The following CWF19L1 variants were observed in gnomAD, a reference collection of about 807,000 sequenced individuals.
CWF19L1 encodes CWF19-like protein 1.
A neutral mutation model predicts 69.7 loss-of-function variants in CWF19L1; 60 were observed. That is an observed-to-expected ratio of 0.86 (90% CI 0.70 to 1.07). CWF19L1 has a LOEUF of 1.07. Ranked by LOEUF, CWF19L1 falls within the 50% of genes least tolerant of loss-of-function variation. The pLI, the probability that CWF19L1 is intolerant of heterozygous loss-of-function variation, is 0.00. For synonymous variants in CWF19L1, 209 were observed against 222.2 expected (o/e 0.94, Z 0.53); for missense variants, 591 against 638.9 (o/e 0.92, Z 0.81).
In CWF19L1 at chr10:100,267,602, A is replaced by G. The variant is rs761364000; in HGVS notation, c.-9T>C. The G allele has an allele frequency of 8.1e-6, 13 of 1,614,050 alleles. No homozygotes were observed. On this transcript the variant is annotated 5_prime_UTR_variant, in exon 1 of 14. Coordinates refer to ENST00000354105, the MANE Select transcript of CWF19L1 (RefSeq NM_018294.6). ...AGCGGTTTCTGTGCCATCTGTCCGAATAGTATGGGTTGCGACTGCCACCTA... is the reference window on the plus strand; with the variant it reads ...AGCGGTTTCTGTGCCATCTGTCCGAGTAGTATGGGTTGCGACTGCCACCTA...
At chr10:100,251,739 C>T (rs868253915) in intron 6 of CWF19L1, among the ~76,000 whole-genome samples, 5 of 152,218 alleles carry the variant, frequency 3.3e-5, no homozygotes, top group South Asian at 2.1e-4. Context: ...TCTCGATCTC[C>T]TGACCTCATG....
At chr10:100,238,708 C>T (rs1159144288) in intron 10 of CWF19L1, among the ~76,000 whole-genome samples, 4 of 152,094 alleles carry the variant, frequency 2.6e-5, no homozygotes, top group African/African-American at 9.7e-5. Context: ...GGCAGGTGGA[C>T]CGCCTGAGGT....
intron 7 of CWF19L1, 91 bp from the exon 8 acceptor site, chr10:100,247,026 CAT>C: frequency 1.7e-6 from 2 of 1,192,186 alleles, no homozygotes; most frequent in South Asian, 1.8e-5. Context: ...TCACAGAAAA[CAT>C]GTGAAACTCA....
At chr10:100,265,058 T>G (rs1039473058) in intron 1 of CWF19L1, among the ~76,000 whole-genome samples, 6 of 151,576 alleles carry the variant, frequency 4.0e-5, no homozygotes, top group African/African-American at 1.5e-4. Context: ...GAGGTTGAGG[T>G]TGCAGTGAGC....
chr10:100,266,473 G>A (rs1847588010), intron 1 of CWF19L1, among the ~76,000 whole-genome samples: 1 of 151,956 alleles, frequency 6.6e-6, no homozygotes, highest in Non-Finnish European at 1.5e-5. Context: ...ATAGGCGTGA[G>A]CCACTGCGCC....
rs75616665 is a variant in CWF19L1, at chr10:100,249,150, C to T, written c.708+1098G>A. Reference sequence around the variant, plus strand: ...ATTCTTAACACTGTCTTCCTTCTGCCCCAACCCTAGAAATCACTATGAAAT... The same window carrying T: ...ATTCTTAACACTGTCTTCCTTCTGCTCCAACCCTAGAAATCACTATGAAAT... On this transcript the variant is annotated intron_variant, in intron 7 of 13. Transcript: ENST00000354105. The T allele has an allele frequency of 2.2e-3, 839 of 375,058 alleles. 8 individuals carry two copies. In the East Asian group the frequency reaches 0.027, roughly 12 times the overall value. The allele number at this position is 375,058 out of a possible 1,614,324, so 23.2% of individuals were successfully genotyped here.
chr10:100,240,305 T>G (rs909862079), intron 10 of CWF19L1, among the ~76,000 whole-genome samples: 3 of 152,274 alleles, frequency 2.0e-5, no homozygotes, highest in African/African-American at 7.2e-5. Context: ...TTCTATGTAC[T>G]ACCTTTGAGG....
chr10:100,255,952 AC>A (rs1471937262), intron 5 of CWF19L1, among the ~76,000 whole-genome samples: 1 of 151,996 alleles, frequency 6.6e-6, no homozygotes, highest in African/African-American at 2.4e-5. Flanking sequence ...AAAACAAAAA[AC>A]AAAAAAATCA....
chr10:100,239,639 G>A (rs1399407482), intron 10 of CWF19L1, among the ~76,000 whole-genome samples: 1 of 151,782 alleles, frequency 6.6e-6, no homozygotes, highest in Non-Finnish European at 1.5e-5. Context: ...ACTGTCTCAG[G>A]AAAAAAAATA....
Position 100,250,272 on chromosome 10 carries a change from A to G in CWF19L1, c.684T>C (p.Asn228=), listed in dbSNP as rs376990259. The G allele has an allele frequency of 9.3e-6, 15 of 1,611,438 alleles. No individual in the cohort carries two copies. In the African/African-American group the frequency reaches 1.1e-4, roughly 11 times the overall value. The change falls in exon 7 of 14, where the codon AAT becomes AAC. Residue 228 remains asparagine, a synonymous_variant. Coordinates refer to ENST00000354105, the MANE Select transcript of CWF19L1 (RefSeq NM_018294.6). ...CCTTTTTCTTTTCTGGATTTCCAAC[A>G]TTTGCCAGAGCTATAAACCGGGTGG... ...QHATRFIALA[N]VGNPEKKKYL...
rs780672847 is a variant in CWF19L1, at chr10:100,233,351, G to C, written c.1493C>G (p.Ala498Gly). ...AGACTTATCAGGAACATTAAGGATGGCTTCACTGGCCAGGACCTCCCTGCA... is the reference window on the plus strand; with the variant it reads ...AGACTTATCAGGAACATTAAGGATGCCTTCACTGGCCAGGACCTCCCTGCA... ...QFGREVLASE[A>G]ILNVPDKSDW... The change falls in exon 14 of 14, where the codon GCC becomes GGC. Residue 498 changes from alanine to glycine, a missense_variant. This residue lies in a region of CWF19L1 where 458 missense variants were observed against 489.3 expected (regional missense o/e 0.94). Transcript: ENST00000354105. 1.2e-6 allele frequency: 2 copies of C among 1,613,440 alleles called. No homozygotes were observed. Among genetic ancestry groups the C allele is most frequent in the East Asian group, 2.2e-5 (1 of 44,862 alleles).
intron 2 of CWF19L1, among the ~76,000 whole-genome samples, 168 bp from the exon 3 acceptor site, chr10:100,261,212 T>A (rs1847387964): frequency 1.3e-5 from 2 of 152,364 alleles, no homozygotes; most frequent in Non-Finnish European, 2.9e-5. Context: ...TAACAGTTAC[T>A]GATTCTATGA....
intron 6 of CWF19L1, 27 bp from the exon 7 acceptor site, chr10:100,250,359 T>C: frequency 6.9e-7 from 1 of 1,457,940 alleles, no homozygotes; most frequent in Non-Finnish European, 9.6e-7. Context: ...AGACAAAAAA[T>C]TGCAAACAAT....
chr10:100,238,932 C>CA (rs397845145), intron 10 of CWF19L1, among the ~76,000 whole-genome samples: 3,086 of 68,346 alleles, frequency 0.045, 140 homozygotes, highest in African/African-American at 0.15. Flanking sequence ...ACTCCGTCTC[C>CA]AAAAAAAAAA....
chr10:100,255,624 A>G (rs928350667), intron 5 of CWF19L1, among the ~76,000 whole-genome samples: 1 of 152,120 alleles, frequency 6.6e-6, no homozygotes, highest in Non-Finnish European at 1.5e-5. Flanking sequence ...TTAGCCAGGC[A>G]TGGCAGTGTG....
chr10:100,246,851 G>T lies in CWF19L1; in HGVS notation c.793C>A (p.Pro265Thr). The part of the protein sequence containing the change: ...VKQPPDVTEN[P>T]YRKSGQEASI... ...GCTTCCTGCCCAGATTTTCTGTAAG[G>T]GTTTTCAGTGACATCCGGAGGCTGT... The change falls in exon 8 of 14, where the codon CCT becomes ACT. Residue 265 changes from proline (P) to threonine (T), a missense_variant. Around this residue, in one of 3 missense-constraint regions of CWF19L1, gnomAD observed 458 missense variants for 489.3 expected, o/e 0.94. Transcript: ENST00000354105. 2 of 1,614,050 alleles carry T rather than the reference G, an allele frequency of 1.2e-6. No homozygotes were observed. The highest frequency in any genetic ancestry group is 8.5e-7 in the Non-Finnish European group (1 of 1,179,934).
Position 100,236,857 on chromosome 10 carries a change from A to C in CWF19L1, c.1367T>G (p.Ile456Ser). Reference sequence around the variant, plus strand: ...CACCATCCCCTGTTTCACCTGCTTGATGTCAGAGTGCTCTGGGATTTCCAA... The same window carrying C: ...CACCATCCCCTGTTTCACCTGCTTGCTGTCAGAGTGCTCTGGGATTTCCAA... Reference protein sequence around the residue: ...ELLEIPEHSDIKQIAQPGAAY... With the variant: ...ELLEIPEHSDSKQIAQPGAAY... Residue 456 changes from isoleucine to serine, a missense_variant, in exon 12 of 14, where the codon ATC becomes AGC. Transcript: ENST00000354105. 6.3e-7 allele frequency: 1 copy of C among 1,596,350 alleles called. No homozygotes were observed. The highest frequency in any genetic ancestry group is 8.5e-7 in the Non-Finnish European group (1 of 1,174,166).
chr10:100,245,122 A>G (rs553331137), intron 9 of CWF19L1, among the ~76,000 whole-genome samples: 1 of 151,642 alleles, frequency 6.6e-6, no homozygotes, highest in East Asian at 1.9e-4. Context: ...TCCTGGGTTC[A>G]AGCAATTCTT....
In CWF19L1 at chr10:100,238,039, G is replaced by A; in HGVS notation, c.1237C>T (p.His413Tyr). ...CVVFERNYKS[H>Y]HLQLQVIPVP... is the part of the protein sequence containing the mutation. ...CCACCTACCTGTAGCTGGAGGTGAT[G>A]GCTCTTATAATTTCTCTCAAATACA... Residue 413 changes from histidine to tyrosine, a missense_variant, in exon 11 of 14, where the codon CAT becomes TAT. Physicochemically the swap from His to Tyr is moderately conservative, Grantham distance 83. This residue lies in a region of CWF19L1 where 458 missense variants were observed against 489.3 expected (regional missense o/e 0.94). Transcript: ENST00000354105. 6.2e-7 allele frequency: 1 copy of A among 1,614,136 alleles called. No homozygotes were observed. The highest frequency in any genetic ancestry group is 8.5e-7 in the Non-Finnish European group (1 of 1,180,000).
Sources: allele counts gnomAD v4.1 joint callset (sites outside exome capture counted in the v4.1 genomes callset), GRCh38; gene constraint gnomAD v4.1.1; regional missense constraint gnomAD v4.1.1; transcripts MANE v1.5; gene names NCBI Gene and HGNC (gene_info 2026-07-23, HGNC 2026-07-21).